Variants in SLIT1 observed in about 807,000 individuals in gnomAD.
The protein encoded by SLIT1 is slit guidance ligand 1.
Under a neutral mutation model 186.1 loss-of-function variants are expected in SLIT1, and 66 were observed. The ratio of observed to expected loss-of-function variants is 0.35; its 90% CI spans 0.29 to 0.44. SLIT1 has a LOEUF of 0.44. Among genes scored for constraint, SLIT1 ranks in the 20% least tolerant of loss-of-function variants. The pLI is 1.00. For synonymous variants in SLIT1, 761 were observed against 833.8 expected (o/e 0.91, Z 1.50); for missense variants, 1,638 against 2,037.4 (o/e 0.80, Z 3.77).
chr10:97,072,552 C>T (rs189733165), intron 4 of SLIT1, among the ~76,000 whole-genome samples: 242 of 152,258 alleles, frequency 1.6e-3, no homozygotes, highest in African/African-American at 5.5e-3. Context: ...GTGATGCCAA[C>T]GGCCATCAAG....
Position 97,022,497 on chromosome 10 carries a change from T to A in SLIT1, c.2583-1084A>T, listed in dbSNP as rs1848510552. The stretch of plus-strand genomic sequence containing the variant: ...TTTTTTTGAAGGCACATTCCTGTGT[T>A]ACTGATGGGGGTGCAAAATAGTAGA... On this transcript the variant is annotated intron_variant, in intron 25 of 36. Coordinates refer to ENST00000266058, the MANE Select transcript of SLIT1 (RefSeq NM_003061.3). The surrounding 1 kb of genome is among the most constrained non-coding windows in gnomAD (Gnocchi z 4.2). 1.3e-5 allele frequency among the ~76,000 whole-genome samples: 2 copies of A among 152,320 alleles called. No individual in the cohort carries two copies. Among genetic ancestry groups the A allele is most frequent in the Middle Eastern group, 6.8e-3 (2 of 294 alleles).
chr10:97,178,434 A>G (rs1355918720), intron 1 of SLIT1, among the ~76,000 whole-genome samples: 2 of 152,242 alleles, frequency 1.3e-5, no homozygotes, highest in African/African-American at 2.4e-5. Flanking sequence ...GCATACATCA[A>G]TAATGTCCAG....
chr10:97,049,703 C>A (rs1177717476), intron 13 of SLIT1, among the ~76,000 whole-genome samples: 1 of 152,226 alleles, frequency 6.6e-6, no homozygotes, highest in East Asian at 1.9e-4. Context: ...GAGTCACCAT[C>A]CCCACCCCAG....
At chr10:97,174,406 C>T (rs562567899) in intron 1 of SLIT1, among the ~76,000 whole-genome samples, 1 of 152,350 alleles carries the variant, frequency 6.6e-6, no homozygotes, top group Non-Finnish European at 1.5e-5. Context: ...TGGGCCTTCC[C>T]CACATCCTCA....
intron 8 of SLIT1, 87 bp downstream of exon 8, chr10:97,063,368 G>C: frequency 1.4e-6 from 2 of 1,447,012 alleles, no homozygotes; most frequent in African/African-American, 1.4e-5. Context: ...GGGCAGGCCA[G>C]GTATTAATGT....
At chr10:97,054,019 G>A (rs1184985045) in intron 13 of SLIT1, among the ~76,000 whole-genome samples, 1 of 152,004 alleles carries the variant, frequency 6.6e-6, no homozygotes, top group Non-Finnish European at 1.5e-5. Context: ...CTGAGACTAG[G>A]TAATTTATAA....
At chr10:97,036,148 G>A (rs750226307) in intron 22 of SLIT1, among the ~76,000 whole-genome samples, 6 of 152,180 alleles carry the variant, frequency 3.9e-5, no homozygotes, top group Non-Finnish European at 7.3e-5. Flanking sequence ...ACGATGTGCC[G>A]TGCCTTCATC....
At chr10:97,018,195 C>A (rs1848470873) in intron 28 of SLIT1, among the ~76,000 whole-genome samples, 1 of 152,150 alleles carries the variant, frequency 6.6e-6, no homozygotes, top group Non-Finnish European at 1.5e-5. Context: ...TGGTCCTTGG[C>A]ACTGCACTGT....
intron 21 of SLIT1, among the ~76,000 whole-genome samples, chr10:97,038,212 TC>T (rs1848657714): frequency 6.6e-6 from 1 of 152,014 alleles, no homozygotes; most frequent in African/African-American, 2.4e-5. Flanking sequence ...CCCAACCAGT[TC>T]CCCCTCATTC....
In SLIT1 at chr10:97,021,373, G is replaced by A. The variant is rs1848500805; in HGVS notation, c.2623C>T (p.Arg875Cys). The A allele has an allele frequency of 3.1e-6, 5 of 1,614,096 alleles. No individual in the cohort carries two copies. Among genetic ancestry groups the A allele is most frequent in the Non-Finnish European group, 4.2e-6 (5 of 1,179,982 alleles). ...GTCTTCACCCAGCTGGACAGCCAGC[G>A]GAGGTGGCAGTCACAGTATAGGGGG... is the stretch of plus-strand genomic sequence containing the variant. ...ANPLYCDCHLRWLSSWVKTGY... is the reference protein window; with the variant it reads ...ANPLYCDCHLCWLSSWVKTGY... Residue 875 changes from arginine to cysteine, a missense_variant, in exon 26 of 37, where the codon CGC becomes TGC. Physicochemically the swap from Arg to Cys is radical, Grantham distance 180 (BLOSUM62 -3). Transcript: ENST00000266058. This position sits in a 1 kb window ranked among gnomAD's most constrained non-coding sequence, Gnocchi z 4.5.
chr10:97,107,929 T>C (rs1196836311), intron 4 of SLIT1, among the ~76,000 whole-genome samples: 1 of 152,136 alleles, frequency 6.6e-6, no homozygotes, highest in Non-Finnish European at 1.5e-5. Flanking sequence ...TGCTAACCTG[T>C]GGGCAGGACC....
rs868277232 is a variant in SLIT1, at chr10:97,031,618, G to A, written c.2498C>T (p.Ser833Phe). The A allele has an allele frequency of 1.0e-5, 16 of 1,551,802 alleles. No individual in the cohort carries two copies. Among genetic ancestry groups the A allele is most frequent in the Middle Eastern group, 1.7e-4 (1 of 5,980 alleles). Reference sequence around the variant, plus strand: ...TGAGGAGACTTACAGCAGGCGCAGGGAGCGGAGTCCCTGGAAGGCCAAAGG... The same window carrying A: ...TGAGGAGACTTACAGCAGGCGCAGGAAGCGGAGTCCCTGGAAGGCCAAAGG... The part of the protein sequence containing the change: ...IPPLAFQGLR[S>F]LRLLSLHGND... The change falls in exon 24 of 37, where the codon TCC (serine) becomes TTC (phenylalanine). Residue 833 changes from serine to phenylalanine, a missense_variant. Around this residue, in one of 3 missense-constraint regions of SLIT1, gnomAD observed 1,245 missense variants for 1,535.3 expected, o/e 0.81. Coordinates refer to ENST00000266058, the MANE Select transcript of SLIT1 (RefSeq NM_003061.3).
At chr10:97,160,139 C>G (rs987495070) in intron 3 of SLIT1, among the ~76,000 whole-genome samples, 3 of 152,146 alleles carry the variant, frequency 2.0e-5, no homozygotes, top group Non-Finnish European at 4.4e-5. Context: ...ACCTGCAGAC[C>G]CGCTGAGGCC....
At chr10:97,011,659 C>A (rs540442622) in intron 30 of SLIT1, among the ~76,000 whole-genome samples, 4 of 152,288 alleles carry the variant, frequency 2.6e-5, no homozygotes, top group Non-Finnish European at 5.9e-5. Context: ...TGCCACCATG[C>A]CTCACTGCTG....
intron 4 of SLIT1, among the ~76,000 whole-genome samples, chr10:97,120,724 G>T (rs1849553493): frequency 6.6e-6 from 1 of 152,178 alleles, no homozygotes. Flanking sequence ...TCAGCACAGT[G>T]CTTGGCACAC....
At chr10:97,182,031 G>C (rs1168930702) in intron 1 of SLIT1, among the ~76,000 whole-genome samples, 2 of 152,220 alleles carry the variant, frequency 1.3e-5, no homozygotes, top group African/African-American at 4.8e-5. Flanking sequence ...GCAGTACAAA[G>C]AAAGGAAGCT....
intron 4 of SLIT1, among the ~76,000 whole-genome samples, chr10:97,069,040 C>A (rs1222331005): frequency 6.6e-6 from 1 of 152,208 alleles, no homozygotes; most frequent in Admixed American, 6.5e-5. Flanking sequence ...TGGTGCCTGC[C>A]CTAATGGCTT....
intron 13 of SLIT1, among the ~76,000 whole-genome samples, chr10:97,053,587 GCAGGGATTA>G (rs1258392551): frequency 1.3e-5 from 2 of 152,146 alleles, no homozygotes; most frequent in Non-Finnish European, 2.9e-5. Context: ...ATAGACAGGG[GCAGGGATTA>G]CAGCGACAAC....
At chr10:97,178,665 G>A (rs913436963) in intron 1 of SLIT1, among the ~76,000 whole-genome samples, 5 of 152,060 alleles carry the variant, frequency 3.3e-5, no homozygotes, top group Non-Finnish European at 4.4e-5. Flanking sequence ...TAGCCTTGTG[G>A]TTCTTAGAAA....
Sources: gnomAD v4.1 joint callset for allele counts (sites outside exome capture counted in the v4.1 genomes callset) on GRCh38, gnomAD v4.1.1 for gene constraint, gnomAD v4.1.1 regional missense constraint, Gnocchi (gnomAD v3.1) non-coding constraint, MANE v1.5 for transcripts, NCBI Gene and HGNC (gene_info 2026-07-23, HGNC 2026-07-21) for gene names.